GADL1: variants seen among roughly 807,000 people sequenced by gnomAD.
GADL1 encodes the protein GAD like acidic amino acid decarboxylase 1, also known as acidic amino acid decarboxylase GADL1.
GADL1 carries 71 observed loss-of-function variants against 69.5 expected under a neutral mutation model. The observed-to-expected ratio is 1.02, with a 90% confidence interval of 0.84 to 1.25. GADL1 has a LOEUF of 1.25. Ranked by LOEUF, GADL1 falls within the 50% of genes most tolerant of loss-of-function variation. The pLI, the probability that GADL1 is intolerant of heterozygous loss-of-function variation, is 0.00. For synonymous variants in GADL1, 254 were observed against 214.4 expected (o/e 1.18, Z -1.62); for missense variants, 737 against 631.8 (o/e 1.17, Z -1.79).
At chr3:30,773,216 A>G (rs376079847) in intron 14 of GADL1, among the ~76,000 whole-genome samples, 40 of 152,336 alleles carry the variant, frequency 2.6e-4, no homozygotes, top group Admixed American at 8.5e-4. Flanking sequence ...TACATGCTAT[A>G]TTTCTAAGGT....
rs761469693 is a variant in GADL1 at position 30,800,843 on chromosome 3, AC to A, written c.1250+45del. 10 of 1,301,986 alleles carry A rather than the reference AC, an allele frequency of 7.7e-6. No homozygotes were observed. In the African/African-American group the frequency reaches 1.6e-4, roughly 21 times the overall value. The allele number at this position is 1,301,986 out of a possible 1,614,324, so 80.7% of individuals were successfully genotyped here. On this transcript the variant is annotated intron_variant, in intron 12 of 14. Coordinates refer to ENST00000282538, the MANE Select transcript of GADL1 (RefSeq NM_207359.3). ...CACACACACACACACACACACACAC[AC>A]ACACACAGAAAGAGAGAGAGAGAGA...
chr3:30,880,904 T>C (rs1384616462), intron 1 of GADL1, among the ~76,000 whole-genome samples: 1 of 151,876 alleles, frequency 6.6e-6, no homozygotes, highest in Non-Finnish European at 1.5e-5. Flanking sequence ...ATATGCAGTA[T>C]AAAAAAGAGT....
At chr3:30,871,119 G>T (rs1002125405) in intron 1 of GADL1, among the ~76,000 whole-genome samples, 1 of 149,306 alleles carries the variant, frequency 6.7e-6, no homozygotes, top group African/African-American at 2.5e-5. Context: ...CAAGGGGCAG[G>T]GTCTGTAAAT....
chr3:30,774,659 C>A (rs868529507), intron 14 of GADL1, among the ~76,000 whole-genome samples: 1 of 152,096 alleles, frequency 6.6e-6, no homozygotes, highest in South Asian at 2.1e-4. Context: ...TAAACTTTCT[C>A]TTTCATATTG....
At chr3:30,842,822 T>TAAAAAAA (rs558126002) in intron 8 of GADL1, among the ~76,000 whole-genome samples, 13 of 103,460 alleles carry the variant, frequency 1.3e-4, no homozygotes, top group Admixed American at 3.5e-4. Flanking sequence ...TTGGAATGTT[T>TAAAAAAA]AAAAAAAAAA....
intron 11 of GADL1, among the ~76,000 whole-genome samples, chr3:30,825,701 A>G (rs1255090451): frequency 6.6e-6 from 1 of 151,520 alleles, no homozygotes; most frequent in Non-Finnish European, 1.5e-5. Flanking sequence ...GTTCTCACTA[A>G]TAAGTGGGAG....
At chr3:30,751,383 C>T (rs775945538) in intron 14 of GADL1, among the ~76,000 whole-genome samples, 2 of 152,018 alleles carry the variant, frequency 1.3e-5, no homozygotes, top group Admixed American at 6.6e-5. Context: ...TGTCTTCGCT[C>T]AGTCTGTGCT....
At chr3:30,771,404 A>AAG (rs1221330488) in intron 14 of GADL1, among the ~76,000 whole-genome samples, 2 of 152,198 alleles carry the variant, frequency 1.3e-5, no homozygotes, top group Admixed American at 6.5e-5. Flanking sequence ...GGTTTGGGGA[A>AAG]AGAGCATACG....
chr3:30,858,684 C>T (rs1220106146), intron 2 of GADL1, among the ~76,000 whole-genome samples: 1 of 151,844 alleles, frequency 6.6e-6, no homozygotes, highest in Non-Finnish European at 1.5e-5. Flanking sequence ...TAGGACAAGG[C>T]ACCTTCAGAA....
intron 14 of GADL1, among the ~76,000 whole-genome samples, chr3:30,769,430 G>T (rs1696364690): frequency 6.6e-6 from 1 of 152,080 alleles, no homozygotes; most frequent in African/African-American, 2.4e-5. Flanking sequence ...CGCAAAGAGG[G>T]AAGCTGAGGA....
chr3:30,818,310 T>C (rs1697510124), intron 11 of GADL1, among the ~76,000 whole-genome samples: 1 of 152,216 alleles, frequency 6.6e-6, no homozygotes, highest in Non-Finnish European at 1.5e-5. Flanking sequence ...AATATAATTG[T>C]TAGAAGTTTT....
At position 30,857,027 on chromosome 3, in the gene GADL1, T is replaced by G. The variant is rs1446539433; in HGVS notation, c.325A>C (p.Ser109Arg). 6.5e-7 allele frequency: 1 copy of G among 1,549,634 alleles called. No individual in the cohort carries two copies. Among genetic ancestry groups the G allele is most frequent in the South Asian group, 1.2e-5 (1 of 83,958 alleles). The change falls in exon 3 of 15, where the codon AGT (serine) becomes CGT (arginine). Residue 109 changes from serine to arginine, a missense_variant. Physicochemically the swap from Ser to Arg is moderately radical, Grantham distance 110. Coordinates refer to ENST00000282538, the MANE Select transcript of GADL1 (RefSeq NM_207359.3). ...LELCRDVIHY[S>R]VKTNHPRFFN... ...TTAAAGTTCTTACTAGTTTTGACAC[T>G]GTAGTGTATGACATCCCGACAGAGT... is the stretch of plus-strand genomic sequence containing the variant.
At chr3:30,820,693 A>C (rs898694234) in intron 11 of GADL1, among the ~76,000 whole-genome samples, 1 of 152,032 alleles carries the variant, frequency 6.6e-6, no homozygotes, top group East Asian at 1.9e-4. Context: ...AGAGGATGTG[A>C]AGAAATAGGA....
chr3:30,728,537 C>T (rs1695405991), intron 14 of GADL1, 122 bp from the exon 15 acceptor site: 1 of 688,328 alleles, frequency 1.5e-6, no homozygotes, highest in South Asian at 1.8e-5. Flanking sequence ...TTCTCATTCA[C>T]ACAAGGTTGA....
At chr3:30,810,424 T>C (rs1020230559) in intron 11 of GADL1, among the ~76,000 whole-genome samples, 2 of 152,068 alleles carry the variant, frequency 1.3e-5, no homozygotes, top group African/African-American at 4.8e-5. Context: ...TAGAGATATA[T>C]ATATAGAGAG....
intron 14 of GADL1, among the ~76,000 whole-genome samples, chr3:30,745,754 C>CTAAA (rs56196417): frequency 0.13 from 19,034 of 151,862 alleles, 1,393 homozygotes; most frequent in East Asian, 0.23. Context: ...GATACCTGAA[C>CTAAA]TTTTTCTTTT....
At chr3:30,743,866 T>G (rs773181483) in intron 14 of GADL1, among the ~76,000 whole-genome samples, 9 of 152,188 alleles carry the variant, frequency 5.9e-5, no homozygotes, top group Non-Finnish European at 1.0e-4. Context: ...GCTGAAACTC[T>G]AAGAGTCATT....
intron 12 of GADL1, among the ~76,000 whole-genome samples, chr3:30,791,245 C>T (rs1390875430): frequency 6.6e-6 from 1 of 152,106 alleles, no homozygotes; most frequent in African/African-American, 2.4e-5. Context: ...TGTGAACCAT[C>T]CTTTTTCTCC....
chr3:30,813,871 G>T (rs982932141), intron 11 of GADL1, among the ~76,000 whole-genome samples: 2 of 152,180 alleles, frequency 1.3e-5, no homozygotes, highest in African/African-American at 4.8e-5. Flanking sequence ...TAGAACAAAA[G>T]ATGTAGTGGA....
Sources: gnomAD v4.1 joint callset for allele counts (sites outside exome capture counted in the v4.1 genomes callset) on GRCh38, gnomAD v4.1.1 for gene constraint, MANE v1.5 for transcripts, NCBI Gene and HGNC (gene_info 2026-07-23, HGNC 2026-07-21) for gene names.